Variants in RORA observed in about 807,000 individuals in gnomAD.
RORA encodes the protein nuclear receptor ROR-alpha.
RORA carries 7 observed loss-of-function variants against 69.5 expected under a neutral mutation model. That is an observed-to-expected ratio of 0.10 (90% CI 0.06 to 0.19). The LOEUF is 0.19. Among genes scored for constraint, RORA ranks in the 10% least tolerant of loss-of-function variants. The pLI is 1.00. For missense variants in RORA, 457 were observed against 663.0 expected, an observed-to-expected ratio of 0.69 and a Z score of 3.41; for synonymous variants, 261 against 240.8, an observed-to-expected ratio of 1.08 and a Z score of -0.78.
intron 1 of RORA, among the ~76,000 whole-genome samples, chr15:61,179,584 CTT>C (rs1235167745): frequency 6.6e-6 from 1 of 152,154 alleles, no homozygotes; most frequent in Admixed American, 6.5e-5. Context: ...ACAAAAAGCT[CTT>C]TAAGATCCTC....
intron 1 of RORA, among the ~76,000 whole-genome samples, chr15:60,868,398 C>T (rs1173229906): frequency 1.3e-5 from 2 of 152,202 alleles, no homozygotes; most frequent in Non-Finnish European, 2.9e-5. Flanking sequence ...GCTCTTAGCA[C>T]AGGGACGCAC....
intron 1 of RORA, among the ~76,000 whole-genome samples, chr15:60,727,800 A>G (rs538827954): frequency 6.6e-6 from 1 of 152,298 alleles, no homozygotes; most frequent in South Asian, 2.1e-4. Context: ...CCCTGGGGAG[A>G]TAGTTTCAAT....
chr15:60,581,550 T>G (rs2068196017), intron 2 of RORA, among the ~76,000 whole-genome samples: 1 of 152,186 alleles, frequency 6.6e-6, no homozygotes, highest in African/African-American at 2.4e-5. Flanking sequence ...ATATACAAAA[T>G]AGGCGGTATG....
At chr15:60,778,611 G>A (rs957543539) in intron 1 of RORA, among the ~76,000 whole-genome samples, 2 of 151,942 alleles carry the variant, frequency 1.3e-5, no homozygotes, top group African/African-American at 4.8e-5. Context: ...GCTTTCTCGG[G>A]GCCTTGAAGG....
In RORA at chr15:60,764,857, G is replaced by A. The variant is rs577069728; in HGVS notation, c.167-86171C>T. ...CCCTTTACCACATTGTACTTGAAAT[G>A]CCTTGTCATTTAAGAAACCATAAAA... On this transcript the variant is annotated intron_variant, in intron 1 of 10. Transcript: ENST00000335670. 3 of 152,062 alleles carry A rather than the reference G, an allele frequency of 2.0e-5. No individual in the cohort carries two copies. The South Asian group carries it at 6.2e-4, about 32-fold the overall frequency. The allele number at this position is 152,062 out of a possible 1,614,324, so 9.4% of individuals were successfully genotyped here. A position where few individuals can be genotyped will look rare whatever the true frequency, so the allele number is the denominator to read the frequency against.
At chr15:60,805,708 C>A (rs1171436102) in intron 1 of RORA, among the ~76,000 whole-genome samples, 1 of 152,206 alleles carries the variant, frequency 6.6e-6, no homozygotes, top group Non-Finnish European at 1.5e-5. Flanking sequence ...CAGTAGGCTC[C>A]TCTCTCTGGC....
At chr15:60,894,879 A>C (rs534975961) in intron 1 of RORA, among the ~76,000 whole-genome samples, 23 of 152,330 alleles carry the variant, frequency 1.5e-4, no homozygotes, top group Admixed American at 4.6e-4. Flanking sequence ...CAGGCACAGC[A>C]GGCAAGGCGG....
At chr15:60,887,013 T>C (rs1357505249) in intron 1 of RORA, among the ~76,000 whole-genome samples, 1 of 152,200 alleles carries the variant, frequency 6.6e-6, no homozygotes, top group Non-Finnish European at 1.5e-5. Context: ...TACAAGATCG[T>C]CTTCCTTGAT....
intron 1 of RORA, among the ~76,000 whole-genome samples, chr15:61,216,784 G>A (rs1417632996): frequency 1.3e-5 from 2 of 152,264 alleles, no homozygotes; most frequent in East Asian, 3.9e-4. Context: ...TCTTTTAATT[G>A]GATCCAGCCC....
chr15:61,175,132 T>C (rs189620191), intron 1 of RORA, among the ~76,000 whole-genome samples: 288 of 152,352 alleles, frequency 1.9e-3, no homozygotes, highest in Admixed American at 3.4e-3. Flanking sequence ...TCAGCAGTAA[T>C]GGCTTTGCAT....
chr15:60,656,222 G>A (rs756710344), intron 2 of RORA, among the ~76,000 whole-genome samples: 6 of 152,164 alleles, frequency 3.9e-5, no homozygotes, highest in Non-Finnish European at 7.3e-5. Flanking sequence ...ACCAGGCCTA[G>A]CTGGAATTTC....
chr15:61,068,365 C>G (rs2078293826), intron 1 of RORA, among the ~76,000 whole-genome samples: 1 of 152,218 alleles, frequency 6.6e-6, no homozygotes, highest in Non-Finnish European at 1.5e-5. Flanking sequence ...CATTGTATAT[C>G]TAACCACTGT....
chr15:61,060,315 G>A (rs1406443466), intron 1 of RORA, among the ~76,000 whole-genome samples: 1 of 152,222 alleles, frequency 6.6e-6, no homozygotes, highest in South Asian at 2.1e-4. Flanking sequence ...TCTTTCCCGC[G>A]TTCCTCTTGG....
intron 1 of RORA, among the ~76,000 whole-genome samples, chr15:61,053,062 A>T (rs1202650559): frequency 6.6e-6 from 1 of 152,224 alleles, no homozygotes; most frequent in African/African-American, 2.4e-5. Flanking sequence ...AGCCAAATAC[A>T]TCACTCCTGC....
rs1240653491 is a variant in RORA, at chr15:61,213,067, C to T, written c.166+15986G>A. On this transcript the variant is annotated intron_variant, in intron 1 of 10. Coordinates refer to ENST00000335670, the MANE Select transcript of RORA (RefSeq NM_134261.3). This position sits in a 1 kb window ranked among gnomAD's most constrained non-coding sequence, Gnocchi z 4.1. ...ATTCCCCGCTGCCCATCAGATATGT[C>T]CCTGGAACTTCCAACTCAGCCCATC... is the stretch of plus-strand genomic sequence containing the variant. Among the ~76,000 whole-genome samples the T allele has an allele frequency of 6.6e-6, 1 of 152,114 alleles. No homozygotes were observed. The highest frequency in any genetic ancestry group is 1.5e-5 in the Non-Finnish European group (1 of 68,016).
rs545708254 is a variant in RORA at position 61,010,826 on chromosome 15, TACTC to T, written c.166+218223_166+218226del. Among the ~76,000 whole-genome samples, 971 of 152,036 alleles carry T rather than the reference TACTC, an allele frequency of 6.4e-3. 9 individuals are homozygous for T. The highest frequency in any genetic ancestry group is 0.022 in the African/African-American group (913 of 41,452). On this transcript the variant is annotated intron_variant, in intron 1 of 10. Transcript: ENST00000335670. The stretch of plus-strand genomic sequence containing the variant: ...GGAGATGAGGACTGTTGGCTGGGAG[TACTC>T]AAATAAATTTACTCCCTCAGGTTCT...
chr15:60,887,578 T>C (rs2073765554), intron 1 of RORA, among the ~76,000 whole-genome samples: 1 of 152,192 alleles, frequency 6.6e-6, no homozygotes, highest in African/African-American at 2.4e-5. Context: ...TTTTCATGCA[T>C]GTTGGATGTA....
intron 2 of RORA, among the ~76,000 whole-genome samples, chr15:60,607,647 A>C (rs1370994759): frequency 6.6e-6 from 1 of 152,230 alleles, no homozygotes; most frequent in Non-Finnish European, 1.5e-5. Flanking sequence ...ATAAAGTAAA[A>C]ACTCTTCAAA....
intron 1 of RORA, among the ~76,000 whole-genome samples, chr15:60,774,996 G>A (rs1024656270): frequency 2.0e-5 from 3 of 152,138 alleles, no homozygotes; most frequent in Non-Finnish European, 2.9e-5. Flanking sequence ...AACATTCGTT[G>A]AAGAAAGTGT....
Sources: gnomAD v4.1 joint callset for allele counts (sites outside exome capture counted in the v4.1 genomes callset) on GRCh38, gnomAD v4.1.1 for gene constraint, Gnocchi (gnomAD v3.1) non-coding constraint, MANE v1.5 for transcripts, NCBI Gene and HGNC (gene_info 2026-07-23, HGNC 2026-07-21) for gene names.